CMYA5: variants seen among roughly 807,000 people sequenced by gnomAD.
CMYA5 encodes the protein cardiomyopathy-associated protein 5.
CMYA5 carries 246 observed loss-of-function variants against 318.9 expected under a neutral mutation model. That is an observed-to-expected ratio of 0.77 (90% CI 0.70 to 0.86). CMYA5 has a LOEUF of 0.86. CMYA5 is among the 40% of genes least tolerant of loss of function. The probability of loss-of-function intolerance (pLI) is 0.00; values close to 1 mark genes in which losing one functional copy is unlikely to be tolerated. For missense variants in CMYA5, 4,589 were observed against 4,678.2 expected (o/e 0.98, Z 0.56); for synonymous variants, 1,641 against 1,729.5 (o/e 0.95, Z 1.27).
intron 1 of CMYA5, among the ~76,000 whole-genome samples, chr5:79,691,519 C>CT (rs1459717488): frequency 1.3e-5 from 2 of 152,130 alleles, no homozygotes; most frequent in Admixed American, 6.5e-5. Context: ...CCTGTTCTGA[C>CT]TACAGACAGT....
Position 79,736,574 on chromosome 5 carries a change from A to G in CMYA5, c.7809A>G (p.Ala2603=). 6.2e-7 allele frequency: 1 copy of G among 1,613,814 alleles called. No individual in the cohort carries two copies. Among genetic ancestry groups the G allele is most frequent in the Admixed American group, 1.7e-5 (1 of 59,954 alleles). The part of the protein sequence containing the change: ...SVTEKSEAML[A]EAHPEIREAK... ...CTGAAAAATCAGAAGCCATGCTCGC[A>G]GAGGCTCACCCAGAAATCAGAGAAG... The change falls in exon 2 of 13, where the codon GCA becomes GCG. Residue 2603 remains alanine (A), a synonymous_variant. Transcript: ENST00000446378.
At position 79,794,142 on chromosome 5, in the gene CMYA5, T is replaced by A. The variant is rs139575307; in HGVS notation, c.11963+532T>A. Among the ~76,000 whole-genome samples, 386 of 152,256 alleles carry A rather than the reference T, an allele frequency of 2.5e-3. 1 individual carries two copies. The highest frequency in any genetic ancestry group is 8.7e-3 in the African/African-American group (360 of 41,546). On this transcript the variant is annotated intron_variant, in intron 12 of 12. Transcript: ENST00000446378. ...ACACCTCCCTCCACATTGGTCCATA[T>A]CGGGGGTTGGCAAACTATAGCCCAT...
At chr5:79,791,302 T>C (rs191398279) in intron 11 of CMYA5, among the ~76,000 whole-genome samples, 1 of 152,306 alleles carries the variant, frequency 6.6e-6, no homozygotes, top group African/African-American at 2.4e-5. Flanking sequence ...TAAGCACAGA[T>C]GGTTTGGTTA....
At chr5:79,786,340 C>A (rs1829081224) in intron 9 of CMYA5, among the ~76,000 whole-genome samples, 1 of 152,338 alleles carries the variant, frequency 6.6e-6, no homozygotes, top group East Asian at 1.9e-4. Context: ...GGATCCCACA[C>A]TTAGGGCCCA....
intron 1 of CMYA5, among the ~76,000 whole-genome samples, chr5:79,713,668 A>G (rs967068174): frequency 2.0e-5 from 3 of 148,984 alleles, no homozygotes; most frequent in Non-Finnish European, 4.5e-5. Flanking sequence ...TGTGCATGCT[A>G]AAGCCCAAAT....
At chr5:79,728,527 G>T (rs1219913323) in intron 1 of CMYA5, among the ~76,000 whole-genome samples, 1 of 152,082 alleles carries the variant, frequency 6.6e-6, no homozygotes, top group Non-Finnish European at 1.5e-5. Context: ...GCTGGGTGAG[G>T]TGGCGATCGT....
intron 12 of CMYA5, among the ~76,000 whole-genome samples, chr5:79,796,198 C>T (rs1245787819): frequency 6.6e-6 from 1 of 152,146 alleles, no homozygotes; most frequent in East Asian, 1.9e-4. Flanking sequence ...TCAGAACCCT[C>T]CAGACCAGCG....
At position 79,764,002 on chromosome 5, in the gene CMYA5, C is replaced by CT. The variant is rs1001589713; in HGVS notation, c.11555+805dup. Among the ~76,000 whole-genome samples the CT allele has an allele frequency of 1.5e-3, 216 of 144,730 alleles. 1 individual carries two copies. Among genetic ancestry groups the CT allele is most frequent in the Non-Finnish European group, 1.9e-3 (126 of 65,544 alleles). 94.9% of individuals were successfully genotyped at this position (144,730 alleles called of 152,430 possible). A position where few individuals can be genotyped will look rare whatever the true frequency, so the allele number is the denominator to read the frequency against. The stretch of plus-strand genomic sequence containing the variant: ...GGAATAATGGTATGAAACTAGACAG[C>CT]TTTTTTTTTTTTATTACACTTTAAG... On this transcript the variant is annotated intron_variant, in intron 9 of 12. Coordinates refer to ENST00000446378, the MANE Select transcript of CMYA5 (RefSeq NM_153610.5).
chr5:79,735,519 A>T lies in CMYA5; in HGVS notation c.6754A>T (p.Thr2252Ser), dbSNP rs1018466098. ...TAAAACTGCTGATGAACCCAGAGGTACTTTAGTAAAATCTGGTGACGGTCA... is the reference window on the plus strand; with the variant it reads ...TAAAACTGCTGATGAACCCAGAGGTTCTTTAGTAAAATCTGGTGACGGTCA... ...KLKTADEPRG[T>S]LVKSGDGQNV... The change falls in exon 2 of 13, where the codon ACT becomes TCT. Residue 2252 changes from threonine (T) to serine (S), a missense_variant. Thr to Ser is a moderately conservative substitution (Grantham distance 58). Coordinates refer to ENST00000446378, the MANE Select transcript of CMYA5 (RefSeq NM_153610.5). 2.5e-6 allele frequency: 4 copies of T among 1,613,130 alleles called. No homozygotes were observed.
chr5:79,762,090 G>A, intron 8 of CMYA5, 133 bp downstream of exon 8: 2 of 1,001,028 alleles, frequency 2.0e-6, no homozygotes, highest in South Asian at 5.4e-5. Context: ...GTTATACAAC[G>A]ATGACTTAAG....
At chr5:79,743,044 G>T (rs1039891441) in intron 2 of CMYA5, among the ~76,000 whole-genome samples, 1 of 152,140 alleles carries the variant, frequency 6.6e-6, no homozygotes, top group Non-Finnish European at 1.5e-5. Flanking sequence ...TGGAGCCTGG[G>T]GGCTGTGGAG....
rs765201864 is a variant in CMYA5 at position 79,730,068 on chromosome 5, TC to T, written c.1304del (p.Ser435PhefsTer26). The T allele has an allele frequency of 2.2e-5, 36 of 1,613,734 alleles. 1 individual carries two copies. Among genetic ancestry groups the T allele is most frequent in the Non-Finnish European group, 2.5e-5 (29 of 1,179,872 alleles). ...EDVYSAHHSI[S>X]LEAASPGLAA... ...TGTGTATTCTGCTCACCATTCCATT[TC>T]TCTGGAGGCAGCGTCACCAGGTCTG... On this transcript the variant is annotated frameshift_variant, in exon 2 of 13. Transcript: ENST00000446378. LOFTEE classifies it high-confidence loss of function.
intron 1 of CMYA5, among the ~76,000 whole-genome samples, chr5:79,705,933 G>C (rs1415703393): frequency 1.6e-4 from 24 of 152,218 alleles, no homozygotes; most frequent in Non-Finnish European, 1.5e-5. Context: ...TCCTGGCACA[G>C]AGTGGGACAT....
intron 1 of CMYA5, among the ~76,000 whole-genome samples, chr5:79,702,646 CT>C (rs1827195514): frequency 6.6e-6 from 1 of 151,896 alleles, no homozygotes; most frequent in African/African-American, 2.4e-5. Flanking sequence ...CATGGGGTGT[CT>C]TTTTGGGGTG....
At chr5:79,753,003 T>C (rs183063473) in intron 6 of CMYA5, among the ~76,000 whole-genome samples, 1 of 152,230 alleles carries the variant, frequency 6.6e-6, no homozygotes, top group African/African-American at 2.4e-5. Context: ...TGAAGCTTTA[T>C]GACTTGCTTG....
intron 7 of CMYA5, among the ~76,000 whole-genome samples, chr5:79,759,728 C>T (rs1209403618): frequency 6.6e-6 from 1 of 152,162 alleles, no homozygotes; most frequent in African/African-American, 2.4e-5. Flanking sequence ...GGCGTCCTAA[C>T]TCAGGTGCCC....
chr5:79,766,757 T>A (rs1436466395), intron 9 of CMYA5, among the ~76,000 whole-genome samples: 1 of 152,242 alleles, frequency 6.6e-6, no homozygotes, highest in Non-Finnish European at 1.5e-5. Flanking sequence ...GATATTGGCC[T>A]GAAATTTTCT....
At chr5:79,752,819 C>T in intron 6 of CMYA5, 25 bp downstream of exon 6, 1 of 1,525,160 alleles carries the variant, frequency 6.6e-7, no homozygotes, top group Non-Finnish European at 9.1e-7. Flanking sequence ...ATATTAATTA[C>T]CTAGATGAAA....
At chr5:79,702,046 G>A (rs913301744) in intron 1 of CMYA5, among the ~76,000 whole-genome samples, 5 of 152,124 alleles carry the variant, frequency 3.3e-5, no homozygotes, top group African/African-American at 7.2e-5. Flanking sequence ...GAAGCTTGCA[G>A]TGAGCTGAGA....
Sources: gnomAD v4.1 joint callset for allele counts (sites outside exome capture counted in the v4.1 genomes callset) on GRCh38, gnomAD v4.1.1 for gene constraint, MANE v1.5 for transcripts, NCBI Gene and HGNC (gene_info 2026-07-23, HGNC 2026-07-21) for gene names.